PDE10A: variants seen among roughly 807,000 people sequenced by gnomAD.
PDE10A encodes phosphodiesterase 10A.
Under a neutral mutation model 97.7 loss-of-function variants are expected in PDE10A, and 39 were observed. That is an observed-to-expected ratio of 0.40 (90% CI 0.31 to 0.52). The LOEUF (loss-of-function observed/expected upper bound fraction) is 0.52. Ranked by LOEUF, PDE10A falls within the 20% of genes least tolerant of loss-of-function variation. The pLI is 0.56. For missense variants in PDE10A, 731 were observed against 1,047.8 expected, an observed-to-expected ratio of 0.70 and a Z score of 4.17; for synonymous variants, 371 against 376.8, an observed-to-expected ratio of 0.98 and a Z score of 0.18.
At chr6:165,515,523 CTTTTTTTTT>C (rs376897417) in intron 2 of PDE10A, among the ~76,000 whole-genome samples, 1 of 124,532 alleles carries the variant, frequency 8.0e-6, no homozygotes, top group Non-Finnish European at 1.7e-5. Context: ...TGCTTTTGTT[CTTTTTTTTT>C]TTTTTTTTTG....
chr6:165,834,830 G>A (rs191882157), intron 1 of PDE10A, among the ~76,000 whole-genome samples: 113 of 152,360 alleles, frequency 7.4e-4, no homozygotes, highest in African/African-American at 1.9e-3. Flanking sequence ...AGGCAGCCAC[G>A]TGGAGCCATG....
intron 1 of PDE10A, among the ~76,000 whole-genome samples, chr6:165,680,554 T>C (rs1583770543): frequency 6.6e-6 from 1 of 152,232 alleles, no homozygotes; most frequent in Non-Finnish European, 1.5e-5. Context: ...TAGAGGAATC[T>C]TGGACAATTT....
chr6:165,487,723 A>T (rs1477201215), intron 2 of PDE10A, among the ~76,000 whole-genome samples: 1 of 152,288 alleles, frequency 6.6e-6, no homozygotes, highest in African/African-American at 2.4e-5. Context: ...TTACTGAAAA[A>T]GAGTGTCCCT....
intron 1 of PDE10A, among the ~76,000 whole-genome samples, chr6:165,771,303 CT>C (rs1450386234): frequency 2.0e-5 from 3 of 152,186 alleles, no homozygotes; most frequent in Non-Finnish European, 4.4e-5. Context: ...TCTGGTTGGA[CT>C]CCACCTAATG....
At chr6:165,724,045 C>G (rs534854099) in intron 1 of PDE10A, among the ~76,000 whole-genome samples, 1 of 152,158 alleles carries the variant, frequency 6.6e-6, no homozygotes, top group African/African-American at 2.4e-5. Flanking sequence ...AGCATGCAAT[C>G]CATCAAAATT....
intron 1 of PDE10A, among the ~76,000 whole-genome samples, chr6:165,732,984 C>A (rs1244995141): frequency 6.6e-6 from 1 of 152,240 alleles, no homozygotes; most frequent in Non-Finnish European, 1.5e-5. Context: ...AGTGACAGTT[C>A]TCTGGGATGC....
intron 1 of PDE10A, among the ~76,000 whole-genome samples, chr6:165,982,257 G>A (rs1190519906): frequency 6.6e-6 from 1 of 152,186 alleles, no homozygotes; most frequent in Non-Finnish European, 1.5e-5. Context: ...TTCAGTCCCA[G>A]AGTCTCCCCT....
At chr6:165,513,132 C>G (rs1172047468) in intron 2 of PDE10A, among the ~76,000 whole-genome samples, 1 of 151,872 alleles carries the variant, frequency 6.6e-6, no homozygotes, top group African/African-American at 2.4e-5. Context: ...CTTTACCCCA[C>G]CAAAGACCAT....
chr6:165,895,030 T>G (rs1204956073), intron 1 of PDE10A, among the ~76,000 whole-genome samples: 1 of 152,204 alleles, frequency 6.6e-6, no homozygotes, highest in East Asian at 1.9e-4. Flanking sequence ...GCCACTGGCC[T>G]AAGGAACACA....
intron 1 of PDE10A, among the ~76,000 whole-genome samples, chr6:165,672,475 A>C (rs1415096136): frequency 6.6e-6 from 1 of 152,240 alleles, no homozygotes; most frequent in Non-Finnish European, 1.5e-5. Context: ...CTGAAAGTGA[A>C]AAACAGTGGT....
At chr6:165,663,354 T>G (rs2128433526), upstream of PDE10A, among the ~76,000 whole-genome samples, 1 of 152,004 alleles carries the variant, frequency 6.6e-6, no homozygotes, top group South Asian at 2.1e-4. Context: ...AGTGATCCTC[T>G]GTGCGCCGCC....
At chr6:165,800,898 A>T (rs1044867138) in intron 1 of PDE10A, among the ~76,000 whole-genome samples, 23 of 152,226 alleles carry the variant, frequency 1.5e-4, no homozygotes, top group African/African-American at 5.3e-4. Context: ...TAAGGAGGCC[A>T]CTGCACTCTG....
chr6:165,486,205 C>T (rs907117556), intron 2 of PDE10A, among the ~76,000 whole-genome samples: 7 of 152,108 alleles, frequency 4.6e-5, no homozygotes, highest in South Asian at 4.1e-4. Flanking sequence ...ATATATTTTT[C>T]GGGGGGATGT....
At chr6:165,659,819 T>A (rs906673130) in intron 1 of PDE10A, among the ~76,000 whole-genome samples, 25 of 152,290 alleles carry the variant, frequency 1.6e-4, no homozygotes, top group Non-Finnish European at 3.2e-4. Flanking sequence ...CTGCTACGAA[T>A]CCCGAGAGGA....
chr6:165,345,974 C>T (rs908984845), intron 18 of PDE10A, among the ~76,000 whole-genome samples: 3 of 152,124 alleles, frequency 2.0e-5, no homozygotes, highest in African/African-American at 7.2e-5. Context: ...TGGAAACAAG[C>T]AAGGCAGGTT....
intron 1 of PDE10A, among the ~76,000 whole-genome samples, chr6:165,616,302 T>G (rs1409632743): frequency 6.6e-6 from 1 of 152,132 alleles, no homozygotes; most frequent in Non-Finnish European, 1.5e-5. Flanking sequence ...GGGAGGAAAC[T>G]TCCCTAACCA....
chr6:165,396,304 G>T lies in PDE10A; in HGVS notation c.2219+13C>A, dbSNP rs748862918. ...AATGGTTCCTGAAGAAACTGACAGA[G>T]CAACATACTTACAATTCAATTTCTT... On this transcript the variant is annotated intron_variant, in intron 14 of 21. Coordinates refer to ENST00000539869, the MANE Select transcript of PDE10A (RefSeq NM_001385079.1). 1 of 1,608,358 alleles carries T rather than the reference G, an allele frequency of 6.2e-7. No homozygotes were observed. Among genetic ancestry groups the T allele is most frequent in the Non-Finnish European group, 8.5e-7 (1 of 1,177,238 alleles).
At chr6:165,790,232 G>A (rs1350890289) in intron 1 of PDE10A, among the ~76,000 whole-genome samples, 3 of 152,124 alleles carry the variant, frequency 2.0e-5, no homozygotes, top group Non-Finnish European at 2.9e-5. Flanking sequence ...ATCCAATGCT[G>A]GAAGCACAAT....
At chr6:165,432,111 G>A (rs914682055) in intron 7 of PDE10A, among the ~76,000 whole-genome samples, 1 of 152,172 alleles carries the variant, frequency 6.6e-6, no homozygotes, top group Non-Finnish European at 1.5e-5. Flanking sequence ...TGGAGATACT[G>A]TAGTAAATAA....
Sources: allele counts gnomAD v4.1 joint callset (sites outside exome capture counted in the v4.1 genomes callset), GRCh38; gene constraint gnomAD v4.1.1; transcripts MANE v1.5; gene names NCBI Gene and HGNC (gene_info 2026-07-23, HGNC 2026-07-21).